Variants in MUC22 observed in about 807,000 individuals in gnomAD.
The protein encoded by MUC22 is mucin 22.
MUC22 carries 24 observed loss-of-function variants against 40.3 expected under a neutral mutation model. The observed-to-expected ratio is 0.60, with a 90% confidence interval of 0.43 to 0.84. The LOEUF (loss-of-function observed/expected upper bound fraction) is 0.84. MUC22 is among the 40% of genes least tolerant of loss of function. MUC22 has a pLI of 0.00. For synonymous variants in MUC22, 765 were observed against 844.5 expected, an observed-to-expected ratio of 0.91 and a Z score of 1.63; for missense variants, 1,926 against 2,130.7, an observed-to-expected ratio of 0.90 and a Z score of 1.89.
intron 1 of MUC22, among the ~76,000 whole-genome samples, chr6:31,018,536 C>T (rs1764433173): frequency 7.4e-6 from 1 of 136,042 alleles, no homozygotes; most frequent in Non-Finnish European, 1.6e-5. Flanking sequence ...AAAATATCTC[C>T]TCTGCTGTTA....
intron 1 of MUC22, among the ~76,000 whole-genome samples, chr6:31,024,957 G>A (rs4713417): frequency 2.7e-5 from 4 of 149,874 alleles, no homozygotes; most frequent in African/African-American, 9.9e-5. Context: ...TGCAACCTCC[G>A]CCTTCCGGTT....
At chr6:31,007,710 C>T (rs147007471), upstream of MUC22, among the ~76,000 whole-genome samples, 420 of 152,244 alleles carry the variant, frequency 2.8e-3, 2 homozygotes, top group African/African-American at 8.7e-3. This position sits in a 1 kb window ranked among gnomAD's most constrained non-coding sequence, Gnocchi z 4.0. Context: ...GTGTACTCTA[C>T]GTAATTGCCG....
At chr6:31,013,079 A>G (rs1763959428) in intron 1 of MUC22, among the ~76,000 whole-genome samples, 1 of 148,546 alleles carries the variant, frequency 6.7e-6, no homozygotes, top group Non-Finnish European at 1.5e-5. Context: ...ACGTCCCCGC[A>G]TCACTCCTCA....
rs11753325 is a variant in MUC22, at chr6:31,032,362, C to T, written c.4836C>T (p.His1612=). 0.12 allele frequency: 180,452 copies of T among 1,535,592 alleles called. 11,661 individuals are homozygous for T. The highest frequency in any genetic ancestry group is 0.16 in the Admixed American group (8,051 of 50,992). Residue 1612 remains histidine, a synonymous_variant, in exon 3 of 4, where the codon CAC becomes CAT. Transcript: ENST00000561890. This position sits in a 1 kb window ranked among gnomAD's most constrained non-coding sequence, Gnocchi z 4.1. ...GAGCATCATCTACCACCTCAGCCCACGGCGTCAGGACCACCACAGGATCCA... is the reference window on the plus strand; with the variant it reads ...GAGCATCATCTACCACCTCAGCCCATGGCGTCAGGACCACCACAGGATCCA...
rs557946998 is a variant in MUC22, at chr6:31,027,201, C to T, written c.1770C>T (p.Thr590=). ...GCTCTGAGACAATCAGAGCCTCTAC[C>T]GTAGGCTCTGAGACCACCACAGTCT... Residue 590 remains threonine (T), a synonymous_variant, in exon 2 of 4, where the codon ACC becomes ACT. Coordinates refer to ENST00000561890, the Ensembl canonical transcript of MUC22. 114 of 1,487,434 alleles carry T rather than the reference C, an allele frequency of 7.7e-5. 13 individuals are homozygous for T. In the East Asian group the frequency reaches 2.3e-3, roughly 30 times the overall value. 92.1% of individuals were successfully genotyped at this position (1,487,434 alleles called of 1,614,324 possible).
chr6:31,029,049 C>T, exon 2 of MUC22: 1 of 1,532,930 alleles, frequency 6.5e-7, no homozygotes. Flanking sequence ...CTGAGACCAT[C>T]ACAGTCTCTG....
At chr6:31,008,241 A>G (rs1763636850), upstream of MUC22, among the ~76,000 whole-genome samples, 1 of 152,180 alleles carries the variant, frequency 6.6e-6, no homozygotes, top group Non-Finnish European at 1.5e-5. Flanking sequence ...TGACTTCTCC[A>G]TGGTTTAGTT....
At chr6:31,020,287 A>G (rs191515499) in intron 1 of MUC22, among the ~76,000 whole-genome samples, 166 of 152,298 alleles carry the variant, frequency 1.1e-3, no homozygotes, top group African/African-American at 3.6e-3. Context: ...CATGACAACC[A>G]GAAGATAAAG....
chr6:31,029,891 C>T (rs1032201707), exon 2 of MUC22: 2 of 1,520,366 alleles, frequency 1.3e-6, no homozygotes. Flanking sequence ...GAGACCAACA[C>T]TGCCTTCATC....
At chr6:31,024,872 T>C (rs996074416) in intron 1 of MUC22, among the ~76,000 whole-genome samples, 4 of 149,502 alleles carry the variant, frequency 2.7e-5, no homozygotes, top group Admixed American at 6.7e-5. Flanking sequence ...CTGCCTTCTT[T>C]TTTTTTTTTT....
At chr6:31,033,206 G>A (rs1766197525) in intron 3 of MUC22, among the ~76,000 whole-genome samples, 1 of 148,560 alleles carries the variant, frequency 6.7e-6, no homozygotes, top group African/African-American at 2.5e-5. Flanking sequence ...AAGGAAGGAA[G>A]GAGAGAGAGA....
intron 1 of MUC22, among the ~76,000 whole-genome samples, chr6:31,021,111 A>G (rs1166241559): frequency 1.3e-5 from 2 of 152,260 alleles, no homozygotes. Context: ...CTGTGAGCGC[A>G]TGGCGTAGGA....
chr6:31,017,014 C>T (rs1026030856), intron 1 of MUC22, among the ~76,000 whole-genome samples: 2 of 152,230 alleles, frequency 1.3e-5, no homozygotes, highest in Admixed American at 6.5e-5. Context: ...CAATTCTCGC[C>T]GGACCTCAGC....
chr6:31,017,238 C>T (rs13194580), intron 1 of MUC22, among the ~76,000 whole-genome samples: 17,133 of 152,228 alleles, frequency 0.11, 1,237 homozygotes, highest in East Asian at 0.33. Context: ...GTGCGGGATC[C>T]ACTAGGTGAG....
intron 1 of MUC22, among the ~76,000 whole-genome samples, chr6:31,016,412 C>T (rs1037039166): frequency 4.6e-5 from 7 of 152,018 alleles, no homozygotes; most frequent in Non-Finnish European, 1.0e-4. Flanking sequence ...TTAGCAGAGA[C>T]GTGGCAGTTT....
chr6:31,026,163 C>T (rs1420030323), exon 2 of MUC22: 6 of 1,524,462 alleles, frequency 3.9e-6, no homozygotes, highest in Middle Eastern at 1.7e-4. Context: ...CAACTGCAGA[C>T]TCCAAGGTGA....
upstream of MUC22, among the ~76,000 whole-genome samples, chr6:31,009,427 C>T (rs1763721981): frequency 6.6e-6 from 1 of 152,134 alleles, no homozygotes; most frequent in African/African-American, 2.4e-5. Flanking sequence ...CAAGATGTGC[C>T]ACATTCTTAT....
intron 1 of MUC22, among the ~76,000 whole-genome samples, chr6:31,013,143 T>TTTTTTTTTGAGACA (rs1763965342): frequency 6.7e-6 from 1 of 148,504 alleles, no homozygotes; most frequent in Admixed American, 6.7e-5. Flanking sequence ...TTTTTTTTTT[T>TTTTTTTTTGAGACA]GGAGATGGAG....
exon 2 of MUC22, chr6:31,029,591 C>T: frequency 1.3e-6 from 2 of 1,534,460 alleles, no homozygotes; most frequent in Non-Finnish European, 1.7e-6. Flanking sequence ...GAGACCACCA[C>T]AGCCTCTACC....
Sources: gnomAD v4.1 joint callset for allele counts (sites outside exome capture counted in the v4.1 genomes callset) on GRCh38, gnomAD v4.1.1 for gene constraint, Gnocchi (gnomAD v3.1) non-coding constraint, MANE v1.5 for transcripts, NCBI Gene and HGNC (gene_info 2026-07-23, HGNC 2026-07-21) for gene names.